The following GAB1 variants were observed in gnomAD, a reference collection of about 807,000 sequenced individuals.
The protein encoded by GAB1 is GRB2-associated-binding protein 1.
GAB1 carries 19 observed loss-of-function variants against 66.5 expected under a neutral mutation model. The ratio of observed to expected loss-of-function variants is 0.29; its 90% confidence interval spans 0.20 to 0.42. The LOEUF (loss-of-function observed/expected upper bound fraction) is 0.42, where lower values mean the gene tolerates loss of function less well. Ranked by LOEUF, GAB1 falls within the 10% of genes least tolerant of loss-of-function variation. GAB1 has a pLI of 1.00. For synonymous variants in GAB1, 294 were observed against 301.4 expected (o/e 0.98, Z 0.25); for missense variants, 732 against 858.5 (o/e 0.85, Z 1.84).
chr4:143,391,183 A>C (rs768716531), intron 1 of GAB1, among the ~76,000 whole-genome samples: 1 of 152,234 alleles, frequency 6.6e-6, no homozygotes, highest in Non-Finnish European at 1.5e-5. Flanking sequence ...TAAAAATAAC[A>C]TTTCAAGTAA....
Position 143,469,324 on chromosome 4 carries a change from A to G in GAB1, c.*135A>G, listed in dbSNP as rs1735969556. ...GTTGAAGTCAAAGGACCTTTCTGAC[A>G]TAATCAAGCAATTTAGACTTAAGTG... is the stretch of plus-strand genomic sequence containing the variant. On this transcript the variant is annotated 3_prime_UTR_variant, in exon 10 of 10. Transcript: ENST00000262994. The G allele has an allele frequency of 2.4e-6, 2 of 849,394 alleles. No homozygotes were observed. The highest frequency in any genetic ancestry group is 3.6e-6 in the Non-Finnish European group (2 of 561,538). 52.6% of individuals were successfully genotyped at this position (849,394 alleles called of 1,614,324 possible).
At chr4:143,362,879 C>T (rs532658028) in intron 1 of GAB1, among the ~76,000 whole-genome samples, 9 of 152,278 alleles carry the variant, frequency 5.9e-5, no homozygotes, top group Non-Finnish European at 1.2e-4. Context: ...TTTACCCAGC[C>T]CCATTCAAGA....
intron 1 of GAB1, among the ~76,000 whole-genome samples, chr4:143,350,444 G>A (rs1342145117): frequency 6.6e-6 from 1 of 152,004 alleles, no homozygotes; most frequent in Non-Finnish European, 1.5e-5. Context: ...TTTGGGAGGC[G>A]GGGCGGGCAC....
intron 6 of GAB1, among the ~76,000 whole-genome samples, chr4:143,449,307 C>T (rs1252098174): frequency 1.7e-4 from 25 of 151,322 alleles, no homozygotes; most frequent in South Asian, 8.4e-4. Flanking sequence ...CTATTAGGTC[C>T]GCTTGGTGCA....
At chr4:143,425,740 C>T in intron 2 of GAB1, 1 of 760,596 alleles carries the variant, frequency 1.3e-6, no homozygotes, top group South Asian at 1.4e-5. Context: ...GAATGGACTG[C>T]TCCAGCTCCT....
chr4:143,344,828 G>A (rs1247445206), intron 1 of GAB1, among the ~76,000 whole-genome samples: 3 of 152,190 alleles, frequency 2.0e-5, no homozygotes, highest in South Asian at 2.1e-4. Context: ...TCATAGGAGC[G>A]AAGTTCTCCC....
intron 1 of GAB1, among the ~76,000 whole-genome samples, chr4:143,378,301 A>G (rs1444054361): frequency 6.6e-6 from 1 of 152,256 alleles, no homozygotes; most frequent in Non-Finnish European, 1.5e-5. Flanking sequence ...ATCTTGGACA[A>G]GTAAATCATA....
In GAB1 at chr4:143,374,980, C is replaced by T. The variant is rs777936523; in HGVS notation, c.72+37720C>T. ...CTCCAGGAATGCTCTTGGAGTCTCACTCTGTAGCCCAAGCTTGAGTGCAGT... is the reference window on the plus strand; with the variant it reads ...CTCCAGGAATGCTCTTGGAGTCTCATTCTGTAGCCCAAGCTTGAGTGCAGT... On this transcript the variant is annotated intron_variant, in intron 1 of 9. Transcript: ENST00000262994. Among the ~76,000 whole-genome samples, 35 of 152,220 alleles carry T rather than the reference C, an allele frequency of 2.3e-4. 1 individual carries two copies. Among genetic ancestry groups the T allele is most frequent in the Admixed American group, 9.8e-4 (15 of 15,282 alleles).
At chr4:143,409,385 T>TCCC (rs200855855) in intron 1 of GAB1, among the ~76,000 whole-genome samples, 5 of 144,902 alleles carry the variant, frequency 3.5e-5, no homozygotes, top group South Asian at 2.3e-4. Flanking sequence ...ACTTTGAACT[T>TCCC]TCCCCCCCCC....
rs531877694 is a variant in GAB1, at chr4:143,389,673, T to C, written c.73-25804T>C. Among the ~76,000 whole-genome samples the C allele has an allele frequency of 3.9e-5, 6 of 152,322 alleles. No individual in the cohort carries two copies. The South Asian group carries it at 1.2e-3, about 32-fold the overall frequency. On this transcript the variant is annotated intron_variant, in intron 1 of 9. Coordinates refer to ENST00000262994, the MANE Select transcript of GAB1 (RefSeq NM_002039.4). ...TGAACATTACTGCTTCACCTCCCTC[T>C]CCTAACTCTACTTTTGTTTACTATT...
At position 143,415,588 on chromosome 4, in the gene GAB1, T is replaced by C; in HGVS notation, c.184T>C (p.Leu62=). 1 of 1,613,934 alleles carries C rather than the reference T, an allele frequency of 6.2e-7. No homozygotes were observed. The highest frequency in any genetic ancestry group is 2.2e-5 in the East Asian group (1 of 44,858). ...CAAGAAGCCTATTCGTATTATTGAT[T>C]TAAATTTATGTCAACAAGTAGATGC... ...HAKKPIRIID[L]NLCQQVDAGL... The change falls in exon 2 of 10, where the codon TTA becomes CTA. Residue 62 remains leucine, a synonymous_variant. Transcript: ENST00000262994.
In GAB1 at chr4:143,433,657, G is replaced by A; in HGVS notation, c.534G>A (p.Glu178=). ...ACCTGGAAACTCTTGGCATTCAGGA[G>A]GATCCTCAAGACTACCTGTTGCTCA... ...PPHLETLGIQ[E]DPQDYLLLIN... Residue 178 remains glutamate, a synonymous_variant, in exon 3 of 10, where the codon GAG becomes GAA. Transcript: ENST00000262994. 5.0e-6 allele frequency: 8 copies of A among 1,613,950 alleles called. No individual in the cohort carries two copies. The highest frequency in any genetic ancestry group is 6.8e-6 in the Non-Finnish European group (8 of 1,179,920).
intron 1 of GAB1, among the ~76,000 whole-genome samples, chr4:143,345,079 C>T (rs1728946379): frequency 6.6e-6 from 1 of 152,182 alleles, no homozygotes; most frequent in African/African-American, 2.4e-5. Context: ...CTACTATATG[C>T]AAACTGCACG....
chr4:143,459,377 C>T lies in GAB1; in HGVS notation c.1586-8C>T. The T allele has an allele frequency of 6.4e-7, 1 of 1,561,302 alleles. No homozygotes were observed. The highest frequency in any genetic ancestry group is 8.8e-7 in the Non-Finnish European group (1 of 1,134,252). On this transcript the variant is annotated splice_region_variant and splice_polypyrimidine_tract_variant and intron_variant, in intron 6 of 9. Coordinates refer to ENST00000262994, the MANE Select transcript of GAB1 (RefSeq NM_002039.4). Reference sequence around the variant, plus strand: ...ACTAAAAATCTCTTTTTCTCTTTTTCTTTTCAGTCAAGCCAGCGCCTTTAG... The same window carrying T: ...ACTAAAAATCTCTTTTTCTCTTTTTTTTTTCAGTCAAGCCAGCGCCTTTAG...
Position 143,446,014 on chromosome 4 carries a change from A to G in GAB1, c.1585+5632A>G, listed in dbSNP as rs552278660. On this transcript the variant is annotated intron_variant, in intron 6 of 9. Coordinates refer to ENST00000262994, the MANE Select transcript of GAB1 (RefSeq NM_002039.4). The stretch of plus-strand genomic sequence containing the variant: ...TGTGTCCATCTGTTCTCATTGTTCA[A>G]TTCCCATCTATGAGTGAGAACATGC... 5.3e-5 allele frequency among the ~76,000 whole-genome samples: 8 copies of G among 152,004 alleles called. No individual in the cohort carries two copies. The East Asian group carries it at 1.4e-3, about 26-fold the overall frequency.
In GAB1 at chr4:143,470,306, A is replaced by ATTT. The variant is rs1736014389; in HGVS notation, c.*1117_*1118insTTT. The ATTT allele has an allele frequency of 2.0e-5, 3 of 151,898 alleles. 1 individual carries two copies. The South Asian group carries it at 6.2e-4, about 32-fold the overall frequency. The allele number at this position is 151,898 out of a possible 1,614,324, so 9.4% of individuals were successfully genotyped here. ...AATATTTTATATCTGCATTTTTTTA[A>ATTT]AAAAAATAGATGTTATATAAGTGAT... On this transcript the variant is annotated 3_prime_UTR_variant, in exon 10 of 10. Transcript: ENST00000262994.
chr4:143,405,659 T>C (rs747593042), intron 1 of GAB1, among the ~76,000 whole-genome samples: 1 of 152,162 alleles, frequency 6.6e-6, no homozygotes, highest in Non-Finnish European at 1.5e-5. Context: ...TGCTGTACAC[T>C]ATGCTGAACA....
At chr4:143,413,060 C>T (rs1005756021) in intron 1 of GAB1, among the ~76,000 whole-genome samples, 8 of 152,022 alleles carry the variant, frequency 5.3e-5, no homozygotes, top group Non-Finnish European at 1.5e-5. Flanking sequence ...TGTAGTAAAG[C>T]ATTTTAGAAA....
In GAB1 at chr4:143,469,219, GA is replaced by G. The variant is rs533746464; in HGVS notation, c.*34del. 2.2e-3 allele frequency: 3,609 copies of G among 1,609,252 alleles called. 7 individuals are homozygous for G. Among genetic ancestry groups the G allele is most frequent in the Non-Finnish European group, 2.8e-3 (3,317 of 1,176,906 alleles). On this transcript the variant is annotated 3_prime_UTR_variant, in exon 10 of 10. Coordinates refer to ENST00000262994, the MANE Select transcript of GAB1 (RefSeq NM_002039.4). Reference sequence around the variant, plus strand: ...ATTGCCTTGCCATTTCTGAACAAAAGAAAACTGAATTGTAAAGATAAATCCC... The same window carrying G: ...ATTGCCTTGCCATTTCTGAACAAAAGAAACTGAATTGTAAAGATAAATCCC...
Sources: gnomAD v4.1 joint callset for allele counts (sites outside exome capture counted in the v4.1 genomes callset) on GRCh38, gnomAD v4.1.1 for gene constraint, MANE v1.5 for transcripts, NCBI Gene and HGNC (gene_info 2026-07-23, HGNC 2026-07-21) for gene names.